PLEKHA5: variants seen among roughly 807,000 people sequenced by gnomAD.
The protein encoded by PLEKHA5 is pleckstrin homology domain-containing family A member 5.
In PLEKHA5, 55 loss-of-function variants were observed where a neutral mutation model predicts 181.9. The ratio of observed to expected loss-of-function variants is 0.30; its 90% CI spans 0.24 to 0.38. The LOEUF is 0.38. PLEKHA5 is among the 10% of genes least tolerant of loss of function. PLEKHA5 has a pLI of 1.00. For missense variants in PLEKHA5, 1,432 were observed against 1,549.5 expected (o/e 0.92, Z 1.27); for synonymous variants, 535 against 529.4 (o/e 1.01, Z -0.15).
rs568541544 is a variant in PLEKHA5, at chr12:19,266,821, TA to T, written c.711+973del. The stretch of plus-strand genomic sequence containing the variant: ...TAATAAATTTGGAGGAAGAGTACTA[TA>T]AGAGACAACAATATTTTTTAATAAA... On this transcript the variant is annotated intron_variant, in intron 8 of 31. Coordinates refer to ENST00000429027, the MANE Select transcript of PLEKHA5 (RefSeq NM_001256470.2). Among the ~76,000 whole-genome samples, 469 of 152,220 alleles carry T rather than the reference TA, an allele frequency of 3.1e-3. 2 individuals carry two copies. Among genetic ancestry groups the T allele is most frequent in the African/African-American group, 0.01 (435 of 41,548 alleles).
At chr12:19,255,538 GA>G (rs2066640123) in intron 5 of PLEKHA5, among the ~76,000 whole-genome samples, 1 of 151,582 alleles carries the variant, frequency 6.6e-6, no homozygotes, top group Non-Finnish European at 1.5e-5. Flanking sequence ...TTATTGTAAG[GA>G]AATAGATAAT....
chr12:19,263,121 T>G (rs2069043520), intron 7 of PLEKHA5, among the ~76,000 whole-genome samples: 1 of 152,192 alleles, frequency 6.6e-6, no homozygotes. Context: ...ATAAGAAATA[T>G]TAGATTTTAA....
At chr12:19,359,621 A>T in intron 28 of PLEKHA5, 75 bp downstream of exon 28, 1 of 1,421,358 alleles carries the variant, frequency 7.0e-7, no homozygotes, top group Non-Finnish European at 9.9e-7. Flanking sequence ...TAAGGTTGAA[A>T]ATAAAGTGTG....
intron 10 of PLEKHA5, 82 bp from the exon 11 acceptor site, chr12:19,274,434 A>T: frequency 1.0e-6 from 1 of 969,130 alleles, no homozygotes; most frequent in Non-Finnish European, 1.5e-6. Flanking sequence ...CCCGTAAAGT[A>T]TAATTTTTCC....
At position 19,261,002 on chromosome 12, in the gene PLEKHA5, T is replaced by C; in HGVS notation, c.591T>C (p.Leu197=). Reference sequence around the variant, plus strand: ...AACGCTGGTTTGTGCTTTCTGACCTTTGCCTCTTTTATTATAGAGGTAAGT... The same window carrying C: ...AACGCTGGTTTGTGCTTTCTGACCTCTGCCTCTTTTATTATAGAGGTAAGT... ...WKKRWFVLSD[L]CLFYYRDEKE... The change falls in exon 7 of 32, where the codon CTT becomes CTC. Residue 197 remains leucine, a synonymous_variant. Coordinates refer to ENST00000429027, the MANE Select transcript of PLEKHA5 (RefSeq NM_001256470.2). The C allele has an allele frequency of 6.3e-7, 1 of 1,596,696 alleles. No homozygotes were observed. The highest frequency in any genetic ancestry group is 8.6e-7 in the Non-Finnish European group (1 of 1,167,300).
intron 3 of PLEKHA5, among the ~76,000 whole-genome samples, chr12:19,184,780 C>G (rs758891700): frequency 1.3e-4 from 20 of 152,014 alleles, no homozygotes; most frequent in Non-Finnish European, 2.4e-4. Flanking sequence ...AATTTTTAGC[C>G]TGGAAATGAA....
chr12:19,175,971 A>G (rs1277888422), intron 3 of PLEKHA5, among the ~76,000 whole-genome samples: 1 of 152,204 alleles, frequency 6.6e-6, no homozygotes, highest in Admixed American at 6.5e-5. Context: ...GGTTTGCCTA[A>G]GAAATACGTA....
chr12:19,186,756 A>G (rs1346857304), intron 3 of PLEKHA5, among the ~76,000 whole-genome samples: 1 of 152,116 alleles, frequency 6.6e-6, no homozygotes, highest in East Asian at 1.9e-4. Context: ...ATTCTAACTG[A>G]GCTTTCATCT....
rs1419598723 is a variant in PLEKHA5 at position 19,347,166 on chromosome 12, G to A, written c.2882G>A (p.Arg961Lys). Residue 961 changes from arginine to lysine, a missense_variant, in exon 24 of 32, where the codon AGA becomes AAA. Coordinates refer to ENST00000429027, the MANE Select transcript of PLEKHA5 (RefSeq NM_001256470.2). ...KKMYQVQGYP[R>K]NGSHCGPDYR... Reference sequence around the variant, plus strand: ...ATGTATCAAGTTCAAGGATATCCAAGAAATGGATCTCACTGTGTAAGTGGC... The same window carrying A: ...ATGTATCAAGTTCAAGGATATCCAAAAAATGGATCTCACTGTGTAAGTGGC... 2 of 1,540,990 alleles carry A rather than the reference G, an allele frequency of 1.3e-6. No individual in the cohort carries two copies. Among genetic ancestry groups the A allele is most frequent in the South Asian group, 1.2e-5 (1 of 83,460 alleles).
intron 15 of PLEKHA5, chr12:19,307,442 A>C (rs552951959): frequency 3.8e-4 from 100 of 266,450 alleles, no homozygotes; most frequent in Middle Eastern, 1.6e-3. Flanking sequence ...ATTGCACTCC[A>C]GCCTGGGCAA....
intron 11 of PLEKHA5, among the ~76,000 whole-genome samples, chr12:19,279,954 C>G (rs189512745): frequency 3.8e-4 from 57 of 151,160 alleles, no homozygotes; most frequent in African/African-American, 1.3e-3. Flanking sequence ...TTTACTGCCC[C>G]AATAGACACA....
At chr12:19,270,447 A>G (rs2072300781) in intron 10 of PLEKHA5, among the ~76,000 whole-genome samples, 1 of 152,190 alleles carries the variant, frequency 6.6e-6, no homozygotes, top group African/African-American at 2.4e-5. Context: ...TCCAGAAAAT[A>G]GTTCGTCAAG....
At chr12:19,188,297 G>T (rs1197522304) in intron 3 of PLEKHA5, among the ~76,000 whole-genome samples, 2 of 152,126 alleles carry the variant, frequency 1.3e-5, no homozygotes, top group African/African-American at 4.8e-5. Context: ...AATCCTCTCT[G>T]CTCCTACCTT....
chr12:19,304,249 T>C (rs2082475906), intron 15 of PLEKHA5, among the ~76,000 whole-genome samples: 1 of 152,052 alleles, frequency 6.6e-6, no homozygotes, highest in Non-Finnish European at 1.5e-5. Flanking sequence ...TACTAAAAAC[T>C]CAAAAATTAG....
chr12:19,356,255 C>G (rs1330136242), intron 26 of PLEKHA5, among the ~76,000 whole-genome samples: 1 of 151,970 alleles, frequency 6.6e-6, no homozygotes, highest in African/African-American at 2.4e-5. Context: ...TAGCTCATAC[C>G]TATAATTCCA....
intron 29 of PLEKHA5, among the ~76,000 whole-genome samples, chr12:19,365,720 G>A (rs2095406282): frequency 6.6e-6 from 1 of 152,064 alleles, no homozygotes; most frequent in Non-Finnish European, 1.5e-5. Flanking sequence ...AAATGGTTTA[G>A]GGAGCAAGGA....
At chr12:19,282,164 G>A (rs577582864) in intron 11 of PLEKHA5, among the ~76,000 whole-genome samples, 9 of 152,164 alleles carry the variant, frequency 5.9e-5, no homozygotes, top group Admixed American at 1.3e-4. Flanking sequence ...TTAGTAATAT[G>A]CAATTACATA....
At chr12:19,297,188 A>G (rs1344659558) in intron 15 of PLEKHA5, among the ~76,000 whole-genome samples, 2 of 151,608 alleles carry the variant, frequency 1.3e-5, no homozygotes, top group East Asian at 1.9e-4. Context: ...ACATGTACCA[A>G]CCCCCCCAGA....
At chr12:19,375,033 T>G (rs2095681685) in intron 31 of PLEKHA5, among the ~76,000 whole-genome samples, 1 of 151,626 alleles carries the variant, frequency 6.6e-6, no homozygotes, top group Non-Finnish European at 1.5e-5. Flanking sequence ...ACATTATGTT[T>G]CCTTGTGGGG....
Sources: allele counts gnomAD v4.1 joint callset (sites outside exome capture counted in the v4.1 genomes callset), GRCh38; gene constraint gnomAD v4.1.1; transcripts MANE v1.5; gene names NCBI Gene and HGNC (gene_info 2026-07-23, HGNC 2026-07-21).